THADA: variants seen among roughly 807,000 people sequenced by gnomAD.
THADA encodes tRNA (32-2'-O)-methyltransferase regulator THADA.
Under a neutral mutation model 219.8 loss-of-function variants are expected in THADA, and 213 were observed. The observed-to-expected ratio is 0.97, with a 90% CI of 0.87 to 1.09. The LOEUF is 1.09. Among genes scored for constraint, THADA ranks in the 50% least tolerant of loss-of-function variants. The pLI, the probability that THADA is intolerant of heterozygous loss-of-function variation, is 0.00. For missense variants in THADA, 2,956 were observed against 2,311.3 expected, an observed-to-expected ratio of 1.28 and a Z score of -5.72; for synonymous variants, 1,018 against 828.9, an observed-to-expected ratio of 1.23 and a Z score of -3.92.
At chr2:43,258,801 G>C (rs1485777714) in intron 36 of THADA, among the ~76,000 whole-genome samples, 1 of 152,144 alleles carries the variant, frequency 6.6e-6, no homozygotes, top group Non-Finnish European at 1.5e-5. Flanking sequence ...CGACCCTCAA[G>C]TTTTCTCATC....
At chr2:43,336,438 A>AT (rs1439990523) in intron 30 of THADA, among the ~76,000 whole-genome samples, 1 of 151,690 alleles carries the variant, frequency 6.6e-6, no homozygotes, top group Non-Finnish European at 1.5e-5. Flanking sequence ...TGCCTGGCTA[A>AT]TTTTTGTATT....
chr2:43,287,261 A>G (rs2104346249), intron 34 of THADA, among the ~76,000 whole-genome samples, 200 bp from the exon 35 acceptor site: 1 of 152,238 alleles, frequency 6.6e-6, no homozygotes, highest in Admixed American at 6.5e-5. Context: ...TTTCGGTAAG[A>G]TGGAGTCACT....
chr2:43,531,266 T>G (rs1046399927), intron 21 of THADA, among the ~76,000 whole-genome samples: 1 of 152,134 alleles, frequency 6.6e-6, no homozygotes, highest in Non-Finnish European at 1.5e-5. Flanking sequence ...AGTACTTGGG[T>G]GGACCAAAAT....
chr2:43,299,982 T>G (rs1201135397), intron 31 of THADA, among the ~76,000 whole-genome samples: 2 of 147,362 alleles, frequency 1.4e-5, no homozygotes. Flanking sequence ...GAGCCGAGAT[T>G]GTGCCACTGC....
chr2:43,391,838 C>A (rs1237872955), intron 29 of THADA: 1 of 152,224 alleles, frequency 6.6e-6, no homozygotes, highest in African/African-American at 2.4e-5. Context: ...TGCCTTAACC[C>A]TTCTTGGACT....
chr2:43,444,973 C>G (rs1469796937), intron 26 of THADA, among the ~76,000 whole-genome samples: 1 of 152,162 alleles, frequency 6.6e-6, no homozygotes, highest in Non-Finnish European at 1.5e-5. Flanking sequence ...CACCATAAAT[C>G]TGGTCACTGG....
intron 22 of THADA, among the ~76,000 whole-genome samples, chr2:43,521,537 C>T (rs928609746): frequency 1.3e-5 from 2 of 152,170 alleles, no homozygotes; most frequent in African/African-American, 4.8e-5. Flanking sequence ...GCCTGGGCGA[C>T]AGAGCAAGAC....
chr2:43,336,181 C>T lies in THADA; in HGVS notation c.4343+7941G>A, dbSNP rs568343715. On this transcript the variant is annotated intron_variant, in intron 30 of 37. Coordinates refer to ENST00000405975, the MANE Select transcript of THADA (RefSeq NM_022065.5). ...AGCTGAGGTGAGAGGATCACTTGAG[C>T]CCAGGAGTTCAAGGCTGCACTGAGC... Among the ~76,000 whole-genome samples the T allele has an allele frequency of 2.0e-5, 3 of 152,228 alleles. No individual in the cohort carries two copies. The East Asian group carries it at 5.8e-4, about 29-fold the overall frequency.
chr2:43,498,729 T>G, intron 25 of THADA, 104 bp downstream of exon 25: 8 of 1,233,258 alleles, frequency 6.5e-6, no homozygotes, highest in Non-Finnish European at 8.7e-6. Flanking sequence ...AAATTCATGG[T>G]AAAGGGCAGG....
chr2:43,231,775 T>A (rs949980316), intron 37 of THADA, among the ~76,000 whole-genome samples: 5 of 152,118 alleles, frequency 3.3e-5, no homozygotes, highest in African/African-American at 7.2e-5. Flanking sequence ...CTAGGCTGTG[T>A]CCTGTTTCTA....
intron 29 of THADA, among the ~76,000 whole-genome samples, chr2:43,388,625 T>G (rs1430157079): frequency 6.6e-6 from 1 of 152,208 alleles, no homozygotes; most frequent in East Asian, 1.9e-4. Context: ...AATAACAACC[T>G]GATAGGCAAG....
intron 24 of THADA, among the ~76,000 whole-genome samples, chr2:43,501,236 G>A (rs1217936055): frequency 2.1e-5 from 3 of 145,332 alleles, no homozygotes; most frequent in Non-Finnish European, 3.0e-5. Context: ...AACCCAGGAG[G>A]CGGAGGTTGC....
At chr2:43,586,258 C>T (rs1701015707) in intron 7 of THADA, 143 bp downstream of exon 7, 3 of 691,482 alleles carry the variant, frequency 4.3e-6, no homozygotes, top group South Asian at 5.1e-5. Context: ...CAGCAAGACC[C>T]CATCTCAAAA....
chr2:43,361,836 C>T (rs188019991), intron 29 of THADA, among the ~76,000 whole-genome samples: 1 of 152,290 alleles, frequency 6.6e-6, no homozygotes, highest in East Asian at 1.9e-4. Context: ...TTGTGATGTA[C>T]ATCTAAGAAT....
At chr2:43,365,011 G>A (rs1440219811) in intron 29 of THADA, among the ~76,000 whole-genome samples, 1 of 149,406 alleles carries the variant, frequency 6.7e-6, no homozygotes, top group Non-Finnish European at 1.5e-5. Context: ...AGGCTGGAGT[G>A]CGGTGGCATG....
chr2:43,438,380 A>C (rs1388885342), intron 26 of THADA, among the ~76,000 whole-genome samples: 1 of 152,072 alleles, frequency 6.6e-6, no homozygotes, highest in African/African-American at 2.4e-5. Flanking sequence ...TAAGTCTGAT[A>C]ATACCACGTA....
chr2:43,348,115 C>T (rs1341335795), intron 29 of THADA, among the ~76,000 whole-genome samples: 2 of 152,178 alleles, frequency 1.3e-5, no homozygotes, highest in Non-Finnish European at 2.9e-5. Flanking sequence ...TTATTTAGCC[C>T]ATACAGTACT....
intron 26 of THADA, among the ~76,000 whole-genome samples, chr2:43,444,988 A>C (rs1228766582): frequency 6.6e-6 from 1 of 152,206 alleles, no homozygotes; most frequent in Non-Finnish European, 1.5e-5. Context: ...CACTGGATGA[A>C]AACAAATGCT....
At chr2:43,564,092 G>A (rs1698394957) in intron 15 of THADA, 1 of 152,208 alleles carries the variant, frequency 6.6e-6, no homozygotes, top group African/African-American at 2.4e-5. Flanking sequence ...CTTAGATGCA[G>A]CTACAACTGC....
Sources: gnomAD v4.1 joint callset for allele counts (sites outside exome capture counted in the v4.1 genomes callset) on GRCh38, gnomAD v4.1.1 for gene constraint, MANE v1.5 for transcripts, NCBI Gene and HGNC (gene_info 2026-07-23, HGNC 2026-07-21) for gene names.